Variants in GLT1D1 observed in about 807,000 individuals in gnomAD.
The protein encoded by GLT1D1 is glycosyltransferase 1 domain containing 1.
Under a neutral mutation model 28.7 loss-of-function variants are expected in GLT1D1, and 21 were observed. That is an observed-to-expected ratio of 0.73 (90% CI 0.52 to 1.05). GLT1D1 has a LOEUF of 1.05. GLT1D1 is among the 50% of genes least tolerant of loss of function. The pLI is 0.00. For missense variants in GLT1D1, 343 were observed against 330.6 expected (o/e 1.04, Z -0.29); for synonymous variants, 147 against 124.8 (o/e 1.18, Z -1.19).
chr12:128,925,922 G>T (rs1191498764), intron 4 of GLT1D1, among the ~76,000 whole-genome samples: 5 of 152,096 alleles, frequency 3.3e-5, no homozygotes, highest in Non-Finnish European at 2.9e-5. Context: ...GGGGTGTGGT[G>T]GCTCACGCCT....
chr12:128,979,435 T>A (rs1460938127), intron 7 of GLT1D1, among the ~76,000 whole-genome samples: 1 of 152,178 alleles, frequency 6.6e-6, no homozygotes, highest in South Asian at 2.1e-4. Context: ...AAGGCCATTG[T>A]TCTCTCGCTG....
chr12:128,941,658 C>T (rs548567283), intron 4 of GLT1D1, among the ~76,000 whole-genome samples: 29 of 150,448 alleles, frequency 1.9e-4, no homozygotes, highest in African/African-American at 5.4e-4. Flanking sequence ...CTGCAACCTC[C>T]GCACCCCGGG....
At chr12:128,858,520 A>C (rs1956281645) in intron 1 of GLT1D1, among the ~76,000 whole-genome samples, 1 of 152,016 alleles carries the variant, frequency 6.6e-6, no homozygotes, top group Non-Finnish European at 1.5e-5. Flanking sequence ...AAAAATACCA[A>C]AATTAGCTGG....
chr12:128,887,014 A>ATT (rs60745415), intron 2 of GLT1D1, among the ~76,000 whole-genome samples: 28 of 142,946 alleles, frequency 2.0e-4, no homozygotes, highest in African/African-American at 5.1e-4. Context: ...CCCAACCCAG[A>ATT]TTTTTTTTTT....
intron 6 of GLT1D1, 49 bp downstream of exon 10, chr12:128,947,507 C>T (rs753221521): frequency 1.2e-6 from 2 of 1,604,550 alleles, no homozygotes; most frequent in African/African-American, 2.7e-5. Context: ...AATTGTCCAT[C>T]ACTCCTTCTC....
chr12:128,923,894 T>G (rs180740010), intron 4 of GLT1D1, among the ~76,000 whole-genome samples: 348 of 152,162 alleles, frequency 2.3e-3, no homozygotes, highest in Non-Finnish European at 4.3e-3. Flanking sequence ...AATTTACGCC[T>G]CTTTTTCAGA....
rs148480797 is a variant in GLT1D1 at position 128,983,176 on chromosome 12, G to C, written c.*86G>C. The stretch of plus-strand genomic sequence containing the variant: ...CAGAGTTCTGGATCACGTGGGCCCA[G>C]TGCAGTTCAAATAAAACCAGCCTCA... On this transcript the variant is annotated 3_prime_UTR_variant, in exon 8 of 8. Transcript: ENST00000281703. This position sits in a 1 kb window ranked among gnomAD's most constrained non-coding sequence, Gnocchi z 4.7. 1 of 1,255,340 alleles carries C rather than the reference G, an allele frequency of 8.0e-7. No homozygotes were observed. Among genetic ancestry groups the C allele is most frequent in the Non-Finnish European group, 1.1e-6 (1 of 887,402 alleles). The allele number at this position is 1,255,340 out of a possible 1,614,324, so 77.8% of individuals were successfully genotyped here.
At chr12:128,880,342 T>C (rs1310594558) in intron 2 of GLT1D1, among the ~76,000 whole-genome samples, 2 of 152,216 alleles carry the variant, frequency 1.3e-5, no homozygotes, top group Admixed American at 1.3e-4. Context: ...TCAATTACAT[T>C]GCTCAATCTA....
At chr12:128,923,120 T>C (rs1376799969) in intron 4 of GLT1D1, among the ~76,000 whole-genome samples, 2 of 152,156 alleles carry the variant, frequency 1.3e-5, no homozygotes, top group East Asian at 1.9e-4. Flanking sequence ...TTTGAAGCTT[T>C]TGTGATTGCA....
intron 1 of GLT1D1, among the ~76,000 whole-genome samples, chr12:128,874,124 C>CCCTTTCTTTCTT (rs1555261647): frequency 4.3e-4 from 17 of 39,278 alleles, no homozygotes; most frequent in African/African-American, 1.8e-3. Flanking sequence ...CTCTCTCTCT[C>CCCTTTCTTTCTT]TCTTTCTTTC....
chr12:128,879,996 T>C (rs1956997462), intron 2 of GLT1D1, among the ~76,000 whole-genome samples: 5 of 152,274 alleles, frequency 3.3e-5, no homozygotes, highest in Admixed American at 3.3e-4. Flanking sequence ...TACATTTCTT[T>C]ACACCATTGT....
chr12:128,924,093 T>C (rs972371772), intron 4 of GLT1D1, among the ~76,000 whole-genome samples: 1 of 152,062 alleles, frequency 6.6e-6, no homozygotes, highest in Non-Finnish European at 1.5e-5. Flanking sequence ...GAGCTCATAA[T>C]GTGTCCAGGG....
intron 4 of GLT1D1, 108 bp downstream of exon 7, chr12:128,926,562 C>T (rs529092884): frequency 6.7e-4 from 418 of 620,272 alleles, no homozygotes; most frequent in Non-Finnish European, 1.0e-3. Flanking sequence ...ATTCTTTGCA[C>T]GTGAGCAGAA....
intron 2 of GLT1D1, among the ~76,000 whole-genome samples, chr12:128,886,245 G>A (rs140159740): frequency 5.9e-5 from 9 of 152,224 alleles, no homozygotes; most frequent in African/African-American, 1.9e-4. Context: ...TGGGTATGTC[G>A]TTATCAACAG....
chr12:128,874,052 C>T (rs1347957650), intron 1 of GLT1D1, among the ~76,000 whole-genome samples: 1 of 72,244 alleles, frequency 1.4e-5, no homozygotes, highest in African/African-American at 6.6e-5. Flanking sequence ...TGCCTCCCTC[C>T]CTCCCTCCTT....
In GLT1D1 at chr12:128,905,711, C is replaced by CT. The variant is rs535211722; in HGVS notation, c.375+6425dup. ...TTGTAAAATATACAATCCTAGTGGG[C>CT]TCCTCACCAGGTCAGCATGCTAGGC... On this transcript the variant is annotated intron_variant, in intron 4 of 7. Coordinates refer to ENST00000281703, the MANE Select transcript of GLT1D1 (RefSeq NM_144669.3). 2.6e-5 allele frequency among the ~76,000 whole-genome samples: 4 copies of CT among 152,312 alleles called. No individual in the cohort carries two copies. The South Asian group carries it at 6.2e-4, about 24-fold the overall frequency.
In GLT1D1 at chr12:128,941,262, C is replaced by T. The variant is rs74957056; in HGVS notation, c.376-4064C>T. The stretch of plus-strand genomic sequence containing the variant: ...GTCCTGGCCTTTCAAACTGTTTCTG[C>T]GAAGTCATCCTGTTAAAAAATATTT... On this transcript the variant is annotated intron_variant, in intron 4 of 7. Coordinates refer to ENST00000281703, the MANE Select transcript of GLT1D1 (RefSeq NM_144669.3). Among the ~76,000 whole-genome samples, 895 of 152,270 alleles carry T rather than the reference C, an allele frequency of 5.9e-3. 33 individuals carry two copies. In the East Asian group the frequency reaches 0.093, roughly 16 times the overall value.
chr12:128,927,271 C>T, intron 4 of GLT1D1, 117 bp downstream of exon 8: 2 of 801,666 alleles, frequency 2.5e-6, no homozygotes, highest in Non-Finnish European at 4.0e-6. Context: ...CGGAGTCTTG[C>T]TCTGTCCCCC....
At chr12:128,921,661 G>T (rs1456008348) in intron 4 of GLT1D1, among the ~76,000 whole-genome samples, 2 of 152,100 alleles carry the variant, frequency 1.3e-5, no homozygotes, top group South Asian at 4.2e-4. Context: ...CCCAGGACGG[G>T]GGTAGTTGGA....
Sources: allele counts gnomAD v4.1 joint callset (sites outside exome capture counted in the v4.1 genomes callset), GRCh38; gene constraint gnomAD v4.1.1; non-coding constraint Gnocchi (gnomAD v3.1); transcripts MANE v1.5; gene names NCBI Gene and HGNC (gene_info 2026-07-23, HGNC 2026-07-21).